The following CAMK1D variants were observed in gnomAD, a reference collection of about 807,000 sequenced individuals.
CAMK1D encodes the protein calcium/calmodulin dependent protein kinase ID.
A neutral mutation model predicts 47.7 loss-of-function variants in CAMK1D; 9 were observed. The ratio of observed to expected loss-of-function variants is 0.19; its 90% CI spans 0.11 to 0.33. CAMK1D has a LOEUF of 0.33. Among genes scored for constraint, CAMK1D ranks in the 10% least tolerant of loss-of-function variants. The pLI, the probability that CAMK1D is intolerant of heterozygous loss-of-function variation, is 1.00. For missense variants in CAMK1D, 291 were observed against 488.7 expected (o/e 0.60, Z 3.81); for synonymous variants, 184 against 184.9 (o/e 0.99, Z 0.04).
intron 3 of CAMK1D, among the ~76,000 whole-genome samples, chr10:12,729,353 G>A (rs1168057597): frequency 1.3e-5 from 2 of 152,176 alleles, no homozygotes; most frequent in African/African-American, 4.8e-5. Context: ...GATTAAAGTG[G>A]GACCGAGCAC....
At chr10:12,431,733 C>G (rs1832483710) in intron 1 of CAMK1D, among the ~76,000 whole-genome samples, 1 of 152,250 alleles carries the variant, frequency 6.6e-6, no homozygotes, top group Non-Finnish European at 1.5e-5. Context: ...CTTTTCTCCT[C>G]TTCTTTTCTA....
At chr10:12,536,272 C>CTTTAT (rs200447692) in intron 1 of CAMK1D, among the ~76,000 whole-genome samples, 1,656 of 151,612 alleles carry the variant, frequency 0.011, 30 homozygotes, top group East Asian at 0.044. Context: ...TACTTCATGT[C>CTTTAT]TTTATTTTAT....
chr10:12,622,456 C>T (rs1348994515), intron 2 of CAMK1D, among the ~76,000 whole-genome samples: 1 of 152,066 alleles, frequency 6.6e-6, no homozygotes, highest in Admixed American at 6.6e-5. Flanking sequence ...GTGCCAGGTT[C>T]TTCTTTGGAT....
intron 1 of CAMK1D, among the ~76,000 whole-genome samples, chr10:12,438,421 G>T (rs1832694385): frequency 6.6e-6 from 1 of 152,154 alleles, no homozygotes; most frequent in African/African-American, 2.4e-5. Flanking sequence ...GATGAAAAAG[G>T]TATAATCCCC....
chr10:12,800,514 A>C (rs1838378686), intron 6 of CAMK1D, among the ~76,000 whole-genome samples: 1 of 152,190 alleles, frequency 6.6e-6, no homozygotes, highest in South Asian at 2.1e-4. Context: ...ACATGTGGGC[A>C]CACTCTGACA....
intron 1 of CAMK1D, among the ~76,000 whole-genome samples, chr10:12,425,946 A>T (rs1267643049): frequency 6.6e-6 from 1 of 152,238 alleles, no homozygotes; most frequent in Non-Finnish European, 1.5e-5. Context: ...AGACTAAAAA[A>T]TTCTCATCCT....
intron 3 of CAMK1D, among the ~76,000 whole-genome samples, chr10:12,674,522 C>T (rs1222925080): frequency 1.3e-5 from 2 of 149,484 alleles, no homozygotes; most frequent in African/African-American, 2.5e-5. Flanking sequence ...TAGATTTGTT[C>T]CTGTACTGCT....
chr10:12,801,239 A>C (rs1838417990), intron 6 of CAMK1D, among the ~76,000 whole-genome samples: 1 of 151,478 alleles, frequency 6.6e-6, no homozygotes, highest in African/African-American at 2.4e-5. Context: ...CCATCCATCC[A>C]TCCATCCATC....
chr10:12,429,843 C>T (rs1473379453), intron 1 of CAMK1D, among the ~76,000 whole-genome samples: 1 of 152,122 alleles, frequency 6.6e-6, no homozygotes, highest in Non-Finnish European at 1.5e-5. Context: ...AAGGTTTCAC[C>T]TCTGGTGAAT....
At chr10:12,427,704 T>TTTTTG in intron 1 of CAMK1D, among the ~76,000 whole-genome samples, 2 of 97,392 alleles carry the variant, frequency 2.1e-5, no homozygotes, top group African/African-American at 7.7e-5. Context: ...CTTACTGTTT[T>TTTTTG]TTTTTTTTTT....
chr10:12,362,369 G>A (rs571475752), intron 1 of CAMK1D, among the ~76,000 whole-genome samples: 1 of 152,294 alleles, frequency 6.6e-6, no homozygotes, highest in Admixed American at 6.5e-5. Context: ...GGTATCTGCC[G>A]GGGGCTGGTT....
intron 1 of CAMK1D, among the ~76,000 whole-genome samples, chr10:12,522,737 C>T (rs1835464139): frequency 6.6e-6 from 1 of 151,612 alleles, no homozygotes; most frequent in Admixed American, 6.6e-5. Flanking sequence ...GGGGTGGTGG[C>T]CGGGCAGAGG....
At chr10:12,549,226 C>T (rs762086227) in intron 1 of CAMK1D, among the ~76,000 whole-genome samples, 9 of 152,228 alleles carry the variant, frequency 5.9e-5, no homozygotes, top group Non-Finnish European at 7.3e-5. Flanking sequence ...TGCCTTCTCC[C>T]CCTAGTCCCT....
chr10:12,383,919 T>C (rs78255762), intron 1 of CAMK1D, among the ~76,000 whole-genome samples: 4,128 of 152,278 alleles, frequency 0.027, 94 homozygotes, highest in Middle Eastern at 0.075. Context: ...TAAAACGATC[T>C]CTATTTGCAG....
chr10:12,613,198 T>G (rs1189999349), intron 2 of CAMK1D, among the ~76,000 whole-genome samples: 2 of 152,184 alleles, frequency 1.3e-5, no homozygotes, highest in African/African-American at 4.8e-5. Context: ...AAAAGAAAGC[T>G]CTTTTCCACA....
intron 3 of CAMK1D, among the ~76,000 whole-genome samples, chr10:12,735,341 G>T (rs369389320): frequency 6.6e-6 from 1 of 152,158 alleles, no homozygotes; most frequent in African/African-American, 2.4e-5. Flanking sequence ...AGCCGGGCGT[G>T]GTGGCGGGCG....
chr10:12,532,531 G>A (rs907115030), intron 1 of CAMK1D, among the ~76,000 whole-genome samples: 12 of 152,090 alleles, frequency 7.9e-5, no homozygotes, highest in African/African-American at 2.4e-4. Flanking sequence ...CGTCCGCCTC[G>A]GCCTCCCAAA....
intron 2 of CAMK1D, among the ~76,000 whole-genome samples, chr10:12,560,036 G>A (rs1564411952): frequency 6.6e-6 from 1 of 152,100 alleles, no homozygotes; most frequent in South Asian, 2.1e-4. Context: ...CTCTCAATGC[G>A]GACCAGAGGG....
chr10:12,503,787 T>C (rs11257837), intron 1 of CAMK1D, among the ~76,000 whole-genome samples: 21,947 of 152,100 alleles, frequency 0.14, 1,711 homozygotes, highest in East Asian at 0.28. Context: ...GGATAGTGTA[T>C]AGGATGGAAG....
Sources: gnomAD v4.1 joint callset for allele counts (sites outside exome capture counted in the v4.1 genomes callset) on GRCh38, gnomAD v4.1.1 for gene constraint, MANE v1.5 for transcripts, NCBI Gene and HGNC (gene_info 2026-07-23, HGNC 2026-07-21) for gene names.